MYO7B: variants seen among roughly 807,000 people sequenced by gnomAD.
MYO7B encodes the protein myosin VIIB.
Under a neutral mutation model 259.7 loss-of-function variants are expected in MYO7B, and 212 were observed. The ratio of observed to expected loss-of-function variants is 0.82; its 90% CI spans 0.73 to 0.91. MYO7B has a LOEUF of 0.91. Among genes scored for constraint, MYO7B ranks in the 40% least tolerant of loss-of-function variants. The pLI is 0.00. For missense variants in MYO7B, 2,732 were observed against 2,813.5 expected (o/e 0.97, Z 0.66); for synonymous variants, 1,197 against 1,166.4 (o/e 1.03, Z -0.54).
intron 43 of MYO7B, 192 bp downstream of exon 43, chr2:127,635,418 C>A: frequency 1.6e-6 from 1 of 635,358 alleles, no homozygotes; most frequent in Non-Finnish European, 2.7e-6. Flanking sequence ...GGGACAGTGA[C>A]TGCACTGGCA....
At chr2:127,634,145 C>T in intron 40 of MYO7B, 31 bp from the exon 41 acceptor site, 2 of 1,543,192 alleles carry the variant, frequency 1.3e-6, no homozygotes, top group Non-Finnish European at 1.8e-6. Flanking sequence ...CTAGCCAGGC[C>T]CCGGGCCTCA....
chr2:127,545,355 G>T (rs932258270), intron 1 of MYO7B, among the ~76,000 whole-genome samples: 2 of 152,232 alleles, frequency 1.3e-5, no homozygotes, highest in African/African-American at 4.8e-5. Flanking sequence ...ACAGCAGCGG[G>T]CCTCCTGGGT....
chr2:127,536,941 G>A (rs1319263029), intron 1 of MYO7B, among the ~76,000 whole-genome samples: 8 of 152,182 alleles, frequency 5.3e-5, no homozygotes, highest in Admixed American at 3.3e-4. Context: ...GCTCTAGCAC[G>A]GGGCTCTGTG....
At chr2:127,574,740 G>A (rs763242524) in intron 7 of MYO7B, among the ~76,000 whole-genome samples, 9 of 152,202 alleles carry the variant, frequency 5.9e-5, no homozygotes, top group Non-Finnish European at 1.2e-4. Flanking sequence ...AAGTACAGTG[G>A]CATGTGGCCT....
rs1680188891 is a variant in MYO7B at position 127,607,237 on chromosome 2, T to C, written c.2456T>C (p.Ile819Thr). Residue 819 changes from isoleucine to threonine, a missense_variant, in exon 21 of 48, where the codon ATT (isoleucine) becomes ACT (threonine). By Grantham distance (89) the Ile-to-Thr change is moderately conservative. Transcript: ENST00000409816. This position sits in a 1 kb window ranked among gnomAD's most constrained non-coding sequence, Gnocchi z 4.4. ...ILVGFERLQA[I>T]ARSQPLARQY... is the part of the protein sequence containing the mutation. The stretch of plus-strand genomic sequence containing the variant: ...GTGGGCTTTGAGCGCCTGCAGGCTA[T>C]TGCCCGGAGCCAGCCGCTGGCGAGG... 6.5e-7 allele frequency: 1 copy of C among 1,550,072 alleles called. No individual in the cohort carries two copies. The highest frequency in any genetic ancestry group is 2.0e-5 in the Admixed American group (1 of 51,014).
chr2:127,575,461 C>G (rs972581281), intron 7 of MYO7B, among the ~76,000 whole-genome samples: 1 of 151,750 alleles, frequency 6.6e-6, no homozygotes. Context: ...TACGGCATAT[C>G]TATACTACAG....
chr2:127,619,054 A>ATTGGGGCTGGTTGGG (rs1680706797), intron 26 of MYO7B, among the ~76,000 whole-genome samples: 1 of 21,610 alleles, frequency 4.6e-5, no homozygotes, highest in Non-Finnish European at 8.9e-5. Context: ...CGCTGGTTGG[A>ATTGGGGCTGGTTGGG]TTGTGGGGGC....
In MYO7B at chr2:127,593,562, G is replaced by A. The variant is rs1221210444; in HGVS notation, c.2162G>A (p.Arg721His). The change falls in exon 18 of 48, where the codon CGC becomes CAC. Residue 721 changes from arginine (R) to histidine (H), a missense_variant. Coordinates refer to ENST00000409816, the MANE Select transcript of MYO7B (RefSeq NM_001393586.1). The stretch of plus-strand genomic sequence containing the variant: ...TCTTGGCAGCTGCAAGGCAAGCTCC[G>A]CCAGATGACCCTGGGCATCACTGAC... ...AMRMQLQGKL[R>H]QMTLGITDVW... is the part of the protein sequence containing the mutation. 2.5e-6 allele frequency: 4 copies of A among 1,613,132 alleles called. No individual in the cohort carries two copies. The highest frequency in any genetic ancestry group is 3.4e-6 in the Non-Finnish European group (4 of 1,179,524).
chr2:127,630,168 A>T (rs11684148), intron 35 of MYO7B, among the ~76,000 whole-genome samples: 24,244 of 152,206 alleles, frequency 0.16, 2,265 homozygotes, highest in South Asian at 0.32. Context: ...CCAGCCCCCA[A>T]GACCAGCCTC....
In MYO7B at chr2:127,574,079, C is replaced by G; in HGVS notation, c.735+17C>G. The stretch of plus-strand genomic sequence containing the variant: ...TGCCGGCAGGTGAGGCCTCCCCCTT[C>G]CCAGGTCGGGAGTTGAGGGAATGGG... On this transcript the variant is annotated intron_variant, in intron 7 of 47. Transcript: ENST00000409816. 6.2e-7 allele frequency: 1 copy of G among 1,613,612 alleles called. No individual in the cohort carries two copies. Among genetic ancestry groups the G allele is most frequent in the Non-Finnish European group, 8.5e-7 (1 of 1,179,778 alleles).
chr2:127,591,525 A>G (rs988782226), intron 16 of MYO7B, among the ~76,000 whole-genome samples: 1 of 152,168 alleles, frequency 6.6e-6, no homozygotes, highest in Admixed American at 6.5e-5. Context: ...AATCACCCCC[A>G]CCAGGTAGGA....
At position 127,632,359 on chromosome 2, in the gene MYO7B, T is replaced by G; in HGVS notation, c.5363T>G (p.Leu1788Arg). 1 of 1,593,898 alleles carries G rather than the reference T, an allele frequency of 6.3e-7. No individual in the cohort carries two copies. Among genetic ancestry groups the G allele is most frequent in the Non-Finnish European group, 8.5e-7 (1 of 1,169,724 alleles). Residue 1788 changes from leucine (L) to arginine (R), a missense_variant, in exon 39 of 48, where the codon CTG becomes CGG. This residue lies in a region of MYO7B where 821 missense variants were observed against 769.3 expected (regional missense o/e 1.07). Transcript: ENST00000409816. ...TTTATAGACACTCGGAGGGGGAAGCTGCTGGCCCCCGACTGCAGCCGCCGA... is the reference window on the plus strand; with the variant it reads ...TTTATAGACACTCGGAGGGGGAAGCGGCTGGCCCCCGACTGCAGCCGCCGA... The part of the protein sequence containing the change: ...QKFIDTRRGK[L>R]LAPDCSRRIQ...
At chr2:127,566,520 C>T (rs1573629332) in intron 4 of MYO7B, 123 bp from the exon 5 acceptor site, 1 of 875,134 alleles carries the variant, frequency 1.1e-6, no homozygotes, top group East Asian at 2.8e-5. Flanking sequence ...GATTCTACTT[C>T]CCCACCAAAG....
intron 19 of MYO7B, among the ~76,000 whole-genome samples, chr2:127,603,703 G>A (rs764817404): frequency 3.9e-5 from 6 of 152,212 alleles, no homozygotes; most frequent in Non-Finnish European, 5.9e-5. Flanking sequence ...AAAGTCACCA[G>A]CTTCATAAGC....
Position 127,635,722 on chromosome 2 carries a change from G to T in MYO7B, c.5821G>T (p.Glu1941Ter). ...NADTILHYHQ[E>*]LPKYLRGFHK... is the part of the protein sequence containing the mutation. ...CATGCCCAGTGTGTCCATCACCCAG[G>T]AGCTGCCCAAGTACCTGCGCGGATT... The change falls in exon 44 of 48, where the codon GAG becomes TAG. Residue 1941 changes from glutamate (E) to a stop codon, truncating the protein, a stop_gained and splice_region_variant. Coordinates refer to ENST00000409816, the MANE Select transcript of MYO7B (RefSeq NM_001393586.1). LOFTEE classifies it high-confidence loss of function. 2 of 1,599,978 alleles carry T rather than the reference G, an allele frequency of 1.3e-6. No individual in the cohort carries two copies. Among genetic ancestry groups the T allele is most frequent in the Admixed American group, 1.7e-5 (1 of 58,382 alleles).
rs1367819026 is a variant in MYO7B, at chr2:127,566,654, C to T, written c.297C>T (p.Gly99=). 1.9e-6 allele frequency: 3 copies of T among 1,589,152 alleles called. No individual in the cohort carries two copies. Among genetic ancestry groups the T allele is most frequent in the African/African-American group, 2.7e-5 (2 of 74,482 alleles). The change falls in exon 5 of 48, where the codon GGC becomes GGT. Residue 99 remains glycine, a synonymous_variant. Coordinates refer to ENST00000409816, the MANE Select transcript of MYO7B (RefSeq NM_001393586.1). ...YQQHKIYTYT[G]SILVAVNPFQ... ...TGCTTCCTTCCCAGACATACACAGGCTCCATCCTGGTGGCCGTCAACCCGT... is the reference window on the plus strand; with the variant it reads ...TGCTTCCTTCCCAGACATACACAGGTTCCATCCTGGTGGCCGTCAACCCGT...
At chr2:127,637,073 G>T (rs1426451188) in intron 47 of MYO7B, 160 bp downstream of exon 47, 1 of 1,319,086 alleles carries the variant, frequency 7.6e-7, no homozygotes, top group South Asian at 1.3e-5. Context: ...GCATCCCCAG[G>T]ACCAGCAGCC....
intron 11 of MYO7B, 120 bp downstream of exon 11, chr2:127,582,130 T>C: frequency 6.6e-7 from 1 of 1,511,360 alleles, no homozygotes; most frequent in Non-Finnish European, 8.9e-7. Flanking sequence ...ACTCTGCCAG[T>C]CACCTGCCTG....
Position 127,611,196 on chromosome 2 carries a change from C to A in MYO7B, c.3193-1054C>A, listed in dbSNP as rs1402951036. On this transcript the variant is annotated intron_variant, in intron 24 of 47. Transcript: ENST00000409816. This position sits in a 1 kb window ranked among gnomAD's most constrained non-coding sequence, Gnocchi z 5.4. ...CAAAGCTGCCTGGGCATCCTCACAA[C>A]ATGGCTTCCCTCAACATGAGTGATC... 2.6e-5 allele frequency among the ~76,000 whole-genome samples: 4 copies of A among 152,204 alleles called. No individual in the cohort carries two copies. The highest frequency in any genetic ancestry group is 4.4e-5 in the Non-Finnish European group (3 of 68,036).
Sources: gnomAD v4.1 joint callset for allele counts (sites outside exome capture counted in the v4.1 genomes callset) on GRCh38, gnomAD v4.1.1 for gene constraint, gnomAD v4.1.1 regional missense constraint, Gnocchi (gnomAD v3.1) non-coding constraint, MANE v1.5 for transcripts, NCBI Gene and HGNC (gene_info 2026-07-23, HGNC 2026-07-21) for gene names.